The following IFT122 variants were observed in gnomAD, a reference collection of about 807,000 sequenced individuals.
IFT122 encodes intraflagellar transport protein 122 homolog.
A neutral mutation model predicts 161.6 loss-of-function variants in IFT122; 118 were observed. The observed-to-expected ratio is 0.73, with a 90% CI of 0.63 to 0.85. The LOEUF (loss-of-function observed/expected upper bound fraction) is 0.85, where lower values mean the gene tolerates loss of function less well. IFT122 is among the 40% of genes least tolerant of loss of function. The pLI, the probability that IFT122 is intolerant of heterozygous loss-of-function variation, is 0.00. For missense variants in IFT122, 1,381 were observed against 1,579.6 expected, an observed-to-expected ratio of 0.87 and a Z score of 2.13; for synonymous variants, 550 against 602.4, an observed-to-expected ratio of 0.91 and a Z score of 1.27.
At chr3:129,475,051 G>T (rs1454379708) in intron 9 of IFT122, among the ~76,000 whole-genome samples, 3 of 152,124 alleles carry the variant, frequency 2.0e-5, no homozygotes, top group Non-Finnish European at 4.4e-5. Flanking sequence ...GCTACTGGGG[G>T]TGGTGAGGGG....
chr3:129,489,359 G>A (rs1272886415), intron 16 of IFT122, among the ~76,000 whole-genome samples: 1 of 152,156 alleles, frequency 6.6e-6, no homozygotes, highest in Non-Finnish European at 1.5e-5. Context: ...AAATGGGGGT[G>A]GTGAGAATGC....
chr3:129,516,344 G>GCACA (rs1243837072), intron 26 of IFT122, among the ~76,000 whole-genome samples: 2 of 79,952 alleles, frequency 2.5e-5, no homozygotes, highest in African/African-American at 5.2e-5. Context: ...GACTGCCCCT[G>GCACA]CACACACACA....
chr3:129,491,331 A>G (rs1285446282), intron 16 of IFT122, among the ~76,000 whole-genome samples: 3 of 152,198 alleles, frequency 2.0e-5, no homozygotes, highest in South Asian at 4.1e-4. Context: ...CCCATTTTGA[A>G]TGGGGCAATA....
In IFT122 at chr3:129,450,715, T is replaced by G. The variant is rs577841017; in HGVS notation, c.108+778T>G. Among the ~76,000 whole-genome samples the G allele has an allele frequency of 4.8e-3, 527 of 110,722 alleles. 1 individual carries two copies. Among genetic ancestry groups the G allele is most frequent in the African/African-American group, 0.016 (359 of 22,602 alleles). The allele number at this position is 110,722 out of a possible 152,430, so 72.6% of individuals were successfully genotyped here. A position where few individuals can be genotyped will look rare whatever the true frequency, so the allele number is the denominator to read the frequency against. On this transcript the variant is annotated intron_variant, in intron 2 of 29. Transcript: ENST00000348417. The stretch of plus-strand genomic sequence containing the variant: ...TCTCAGATGGTGTGTGTGTGTGTGT[T>G]TTTTTTTTTTTTTTTTTTTTTTGGA...
chr3:129,477,930 C>T (rs879245729), intron 11 of IFT122, 86 bp from the exon 12 acceptor site: 4 of 1,122,786 alleles, frequency 3.6e-6, no homozygotes, highest in Non-Finnish European at 5.4e-6. Flanking sequence ...GCCAGTAGCG[C>T]TAAGTAAATG....
In IFT122 at chr3:129,502,870, G is replaced by A. The variant is rs2081740511; in HGVS notation, c.2535G>A (p.Gln845=). ...TGGTGCAGCTGCACGTGGAGACCCAGCGCTGGGATGAGGTGAGGGGAAAGC... is the reference window on the plus strand; with the variant it reads ...TGGTGCAGCTGCACGTGGAGACCCAACGCTGGGATGAGGTGAGGGGAAAGC... ...KSLVQLHVET[Q]RWDEAFALGE... Residue 845 remains glutamine, a synonymous_variant, in exon 20 of 30, where the codon CAG becomes CAA. Transcript: ENST00000348417. The A allele has an allele frequency of 1.2e-6, 2 of 1,610,630 alleles. No homozygotes were observed.
chr3:129,450,743 CAG>C (rs1371874754), intron 2 of IFT122, among the ~76,000 whole-genome samples: 4 of 112,014 alleles, frequency 3.6e-5, no homozygotes, highest in Non-Finnish European at 6.7e-5. Context: ...TTTTTGGAGA[CAG>C]AGTCTGGCTC....
chr3:129,517,625 T>C (rs1051073422), intron 27 of IFT122, 31 bp downstream of exon 27: 3 of 1,607,944 alleles, frequency 1.9e-6, no homozygotes, highest in Non-Finnish European at 2.6e-6. Flanking sequence ...AGCCTGTGTG[T>C]GCGGCTGTGT....
intron 17 of IFT122, among the ~76,000 whole-genome samples, chr3:129,495,165 A>G (rs1240485475): frequency 6.6e-6 from 1 of 152,218 alleles, no homozygotes; most frequent in East Asian, 1.9e-4. Flanking sequence ...CTATTCCGTC[A>G]TAGCCTTGGA....
chr3:129,516,980 A>T lies in IFT122; in HGVS notation c.3266-489A>T, dbSNP rs1354388088. Among the ~76,000 whole-genome samples, 9 of 130,796 alleles carry T rather than the reference A, an allele frequency of 6.9e-5. No individual in the cohort carries two copies. The Admixed American group carries it at 7.0e-4, about 10-fold the overall frequency. The allele number at this position is 130,796 out of a possible 152,430, so 85.8% of individuals were successfully genotyped here. A position where few individuals can be genotyped will look rare whatever the true frequency, so the allele number is the denominator to read the frequency against. ...ACTGCCCCTACACACACACACACAG[A>T]CTGCCCCTGCACACACACACACACA... On this transcript the variant is annotated intron_variant, in intron 26 of 29. Coordinates refer to ENST00000348417, the MANE Select transcript of IFT122 (RefSeq NM_052989.3).
At chr3:129,485,904 G>C (rs1459374265) in intron 15 of IFT122, among the ~76,000 whole-genome samples, 3 of 152,248 alleles carry the variant, frequency 2.0e-5, no homozygotes, top group African/African-American at 7.2e-5. Context: ...CCATCCTGTG[G>C]TTTTGGCCCA....
At chr3:129,491,601 C>T (rs548085945) in intron 16 of IFT122, among the ~76,000 whole-genome samples, 7 of 152,280 alleles carry the variant, frequency 4.6e-5, no homozygotes, top group African/African-American at 1.7e-4. Flanking sequence ...CCACCTTCTT[C>T]CAGAATCTGT....
intron 17 of IFT122, among the ~76,000 whole-genome samples, chr3:129,493,164 G>A (rs752937638): frequency 1.1e-4 from 17 of 152,148 alleles, no homozygotes; most frequent in Non-Finnish European, 2.1e-4. Flanking sequence ...CTGTCTGGCT[G>A]TCTGTTAAAA....
chr3:129,474,959 A>T (rs1046266572), intron 9 of IFT122, among the ~76,000 whole-genome samples: 2 of 152,298 alleles, frequency 1.3e-5, no homozygotes, highest in South Asian at 4.1e-4. Context: ...GTTCAGGACC[A>T]ACCTGGGTAA....
intron 18 of IFT122, among the ~76,000 whole-genome samples, chr3:129,499,466 G>A (rs545749684): frequency 6.6e-6 from 1 of 152,162 alleles, no homozygotes; most frequent in Non-Finnish European, 1.5e-5. Context: ...GACAGGTCTC[G>A]ATATGTGGAA....
intron 24 of IFT122, chr3:129,513,801 G>A (rs1448073634): frequency 4.9e-6 from 1 of 204,940 alleles, no homozygotes; most frequent in Non-Finnish European, 1.0e-5. Flanking sequence ...GGGCCTGGGG[G>A]CAGCCAACAT....
chr3:129,449,173 C>T (rs527498932), intron 1 of IFT122, among the ~76,000 whole-genome samples: 27 of 152,198 alleles, frequency 1.8e-4, no homozygotes, highest in Non-Finnish European at 2.2e-4. Context: ...CTTCCTCCTT[C>T]GAATCCTGTT....
chr3:129,481,762 C>T, intron 14 of IFT122, 68 bp downstream of exon 14: 1 of 1,545,438 alleles, frequency 6.5e-7, no homozygotes. Flanking sequence ...CTTCCCAGTC[C>T]CTGCAGGAGG....
chr3:129,512,721 C>G (rs1294743148), intron 24 of IFT122: 1 of 433,492 alleles, frequency 2.3e-6, no homozygotes, highest in Non-Finnish European at 4.3e-6. Flanking sequence ...GAAGAAGCAC[C>G]AGGCCTTCAG....
Sources: allele counts gnomAD v4.1 joint callset (sites outside exome capture counted in the v4.1 genomes callset), GRCh38; gene constraint gnomAD v4.1.1; transcripts MANE v1.5; gene names NCBI Gene and HGNC (gene_info 2026-07-23, HGNC 2026-07-21).